Variants in TSNARE1 observed in about 807,000 individuals in gnomAD.
TSNARE1 encodes t-SNARE domain-containing protein 1.
TSNARE1 carries 49 observed loss-of-function variants against 62.0 expected under a neutral mutation model. The observed-to-expected ratio is 0.79, with a 90% CI of 0.63 to 1.00. The LOEUF is 1.00. TSNARE1 is among the 50% of genes least tolerant of loss of function. TSNARE1 has a pLI of 0.00. For missense variants in TSNARE1, 755 were observed against 700.1 expected (o/e 1.08, Z -0.88); for synonymous variants, 328 against 294.4 (o/e 1.11, Z -1.17).
intron 12 of TSNARE1, among the ~76,000 whole-genome samples, chr8:142,259,518 T>C (rs2130381050): frequency 6.6e-6 from 1 of 152,306 alleles, no homozygotes; most frequent in Admixed American, 6.5e-5. Flanking sequence ...GAAGAATCTA[T>C]AACAATCTGA....
intron 2 of TSNARE1, among the ~76,000 whole-genome samples, chr8:142,351,209 G>A (rs1249989932): frequency 6.6e-6 from 1 of 152,242 alleles, no homozygotes; most frequent in Non-Finnish European, 1.5e-5. Context: ...ACGCGTCTGA[G>A]TCTACTTTGA....
chr8:142,349,333 T>C (rs77032307), intron 2 of TSNARE1, among the ~76,000 whole-genome samples: 2,309 of 152,334 alleles, frequency 0.015, 125 homozygotes, highest in East Asian at 0.11. Context: ...TAAAATACTA[T>C]ACATTTCAAA....
intron 1 of TSNARE1, among the ~76,000 whole-genome samples, chr8:142,372,978 T>A (rs2131064221): frequency 6.6e-6 from 1 of 152,264 alleles, no homozygotes; most frequent in African/African-American, 2.4e-5. Context: ...TGCCCCTGAT[T>A]TCTGGACGCT....
intron 10 of TSNARE1, among the ~76,000 whole-genome samples, chr8:142,285,547 TGGG>T (rs538725802): frequency 2.1e-5 from 3 of 139,596 alleles, no homozygotes; most frequent in South Asian, 2.4e-4. Context: ...AGATGGATGA[TGGG>T]GGGATAGATG....
intron 1 of TSNARE1, among the ~76,000 whole-genome samples, chr8:142,370,429 C>T (rs1036506396): frequency 6.6e-6 from 1 of 152,054 alleles, no homozygotes; most frequent in East Asian, 1.9e-4. Context: ...TAAATTTAAA[C>T]ATTCGTTGGG....
In TSNARE1 at chr8:142,217,365, A is replaced by AAGAAG. The variant is rs1554623131; in HGVS notation, c.*12-5053_*12-5052insCTTCT. On this transcript the variant is annotated intron_variant, in intron 13 of 13. Coordinates refer to ENST00000524325, the MANE Select transcript of TSNARE1 (RefSeq NM_145003.5). ...AAAGAAAGAAAGAAAGAAAGAAAGA[A>AAGAAG]AGAAAGAAAAAAGGGAAAGAAAGAA... is the stretch of plus-strand genomic sequence containing the variant. 7.6e-4 allele frequency among the ~76,000 whole-genome samples: 107 copies of AAGAAG among 140,916 alleles called. 2 individuals carry two copies. The highest frequency in any genetic ancestry group is 2.7e-3 in the African/African-American group (104 of 37,998). The allele number at this position is 140,916 out of a possible 152,430, so 92.4% of individuals were successfully genotyped here. A position where few individuals can be genotyped will look rare whatever the true frequency, so the allele number is the denominator to read the frequency against.
chr8:142,328,651 A>G (rs1304863377), intron 6 of TSNARE1, among the ~76,000 whole-genome samples: 6 of 152,206 alleles, frequency 3.9e-5, no homozygotes, highest in Admixed American at 3.9e-4. Context: ...GCCACACACC[A>G]GGGGTGCGCC....
At chr8:142,387,695 GA>G (rs1837205120) in intron 1 of TSNARE1, among the ~76,000 whole-genome samples, 2 of 152,002 alleles carry the variant, frequency 1.3e-5, no homozygotes, top group Admixed American at 1.3e-4. Context: ...ACTGATCCCA[GA>G]AAGTTCAAAC....
At chr8:142,309,185 G>A (rs1003655587) in intron 9 of TSNARE1, among the ~76,000 whole-genome samples, 11 of 152,104 alleles carry the variant, frequency 7.2e-5, no homozygotes, top group East Asian at 1.9e-4. Flanking sequence ...CTACAGGTGC[G>A]TTCGGATTTT....
At chr8:142,280,287 G>A (rs1175127219) in intron 11 of TSNARE1, 6 of 985,256 alleles carry the variant, frequency 6.1e-6, no homozygotes, top group Non-Finnish European at 7.2e-6. Flanking sequence ...GCTCGGGGCT[G>A]CAGCTCTGCT....
intron 1 of TSNARE1, among the ~76,000 whole-genome samples, chr8:142,391,731 T>C (rs1199969901): frequency 6.6e-6 from 1 of 152,246 alleles, no homozygotes; most frequent in African/African-American, 2.4e-5. Context: ...CTGCCCGCCC[T>C]GCCGCAGCAG....
intron 2 of TSNARE1, among the ~76,000 whole-genome samples, chr8:142,354,288 G>A (rs1388445918): frequency 6.6e-6 from 1 of 152,130 alleles, no homozygotes; most frequent in African/African-American, 2.4e-5. Flanking sequence ...AGTGCCACCT[G>A]CTCCACACCG....
At chr8:142,302,036 C>T (rs769059716) in intron 9 of TSNARE1, among the ~76,000 whole-genome samples, 2 of 152,202 alleles carry the variant, frequency 1.3e-5, no homozygotes, top group African/African-American at 2.4e-5. Flanking sequence ...CCACTGCTAC[C>T]TTTACTTGCT....
chr8:142,277,438 G>A, intron 11 of TSNARE1: 1 of 985,418 alleles, frequency 1.0e-6, no homozygotes, highest in Non-Finnish European at 1.2e-6. Context: ...CCACAGCCGT[G>A]ACCAGCCCTG....
rs1244133954 is a variant in TSNARE1, at chr8:142,319,156, C to CCCCGCCG, written c.894-523_894-522insCGGCGGG. ...GGCCACTGCGAGGACCACCTTGCTC[C>CCCCGCCG]GCCGCAACCACCCCCAAATACCCCA... On this transcript the variant is annotated intron_variant, in intron 6 of 13. Transcript: ENST00000524325. The surrounding 1 kb of genome is among the most constrained non-coding windows in gnomAD (Gnocchi z 4.9). Among the ~76,000 whole-genome samples the CCCCGCCG allele has an allele frequency of 2.0e-5, 3 of 152,010 alleles. No individual in the cohort carries two copies. The highest frequency in any genetic ancestry group is 7.2e-5 in the African/African-American group (3 of 41,382).
intron 13 of TSNARE1, among the ~76,000 whole-genome samples, chr8:142,218,869 G>A (rs1816073989): frequency 6.6e-6 from 1 of 152,174 alleles, no homozygotes; most frequent in South Asian, 2.1e-4. Context: ...CTCTTCTGTG[G>A]ATTTAACTTA....
chr8:142,225,818 C>A (rs1388548859), intron 13 of TSNARE1, among the ~76,000 whole-genome samples: 1 of 152,198 alleles, frequency 6.6e-6, no homozygotes, highest in African/African-American at 2.4e-5. Flanking sequence ...GCGGGCGGTG[C>A]TCTAAACAAC....
intron 1 of TSNARE1, among the ~76,000 whole-genome samples, chr8:142,400,971 A>C (rs571490029): frequency 6.6e-6 from 1 of 152,214 alleles, no homozygotes; most frequent in Admixed American, 6.5e-5. Flanking sequence ...CATTAGTGTC[A>C]CCACCTGCAG....
At chr8:142,374,728 A>C (rs1424493712) in intron 1 of TSNARE1, among the ~76,000 whole-genome samples, 1 of 150,346 alleles carries the variant, frequency 6.7e-6, no homozygotes, top group East Asian at 2.0e-4. Context: ...TGGCCCCTGG[A>C]GAGTTTTCTC....
Sources: allele counts gnomAD v4.1 joint callset (sites outside exome capture counted in the v4.1 genomes callset), GRCh38; gene constraint gnomAD v4.1.1; non-coding constraint Gnocchi (gnomAD v3.1); transcripts MANE v1.5; gene names NCBI Gene and HGNC (gene_info 2026-07-23, HGNC 2026-07-21).